SAMMSON: variants seen among roughly 807,000 people sequenced by gnomAD.
The protein encoded by SAMMSON is survival associated mitochondrial melanoma specific oncogenic non-coding RNA.
At chr3:70,339,683 G>A (rs1042986137) in intron 7 of SAMMSON, among the ~76,000 whole-genome samples, 5 of 152,146 alleles carry the variant, frequency 3.3e-5, no homozygotes, top group African/African-American at 1.2e-4. Context: ...TCAGAGAAAT[G>A]CAAATCAAAA....
At chr3:70,261,885 A>G (rs372696474) in intron 6 of SAMMSON, among the ~76,000 whole-genome samples, 2 of 152,106 alleles carry the variant, frequency 1.3e-5, no homozygotes, top group African/African-American at 4.8e-5. Context: ...ATCCAAGAAG[A>G]TCCGGGGCTG....
chr3:70,309,836 G>C (rs1217213255), intron 7 of SAMMSON, among the ~76,000 whole-genome samples: 2 of 152,060 alleles, frequency 1.3e-5, no homozygotes, highest in African/African-American at 4.8e-5. Context: ...GATAAAACAG[G>C]TCACCTGGGA....
At chr3:70,306,703 T>C (rs1256889708) in intron 7 of SAMMSON, among the ~76,000 whole-genome samples, 1 of 152,140 alleles carries the variant, frequency 6.6e-6, no homozygotes, top group African/African-American at 2.4e-5. Context: ...CTTTGGTGCA[T>C]TAAAGGTACA....
chr3:70,382,367 C>G (rs1338462833), intron 9 of SAMMSON, among the ~76,000 whole-genome samples: 1 of 152,066 alleles, frequency 6.6e-6, no homozygotes. Context: ...AGAAACTGAT[C>G]TCTTAAGCAC....
At chr3:70,257,544 G>C (rs1701828496) in intron 6 of SAMMSON, among the ~76,000 whole-genome samples, 1 of 152,090 alleles carries the variant, frequency 6.6e-6, no homozygotes, top group Admixed American at 6.6e-5. Flanking sequence ...ATCAATTAGA[G>C]GAAGATACGC....
chr3:70,053,380 T>G (rs939651983), intron 3 of SAMMSON, among the ~76,000 whole-genome samples: 1 of 152,140 alleles, frequency 6.6e-6, no homozygotes, highest in African/African-American at 2.4e-5. Flanking sequence ...TGCATATCAC[T>G]GTGATCATGA....
intron 4 of SAMMSON, among the ~76,000 whole-genome samples, chr3:70,098,273 A>C (rs1451632629): frequency 1.3e-5 from 2 of 152,188 alleles, no homozygotes; most frequent in Non-Finnish European, 2.9e-5. Flanking sequence ...GAATCCCTGC[A>C]AACTGAAAGC....
At chr3:70,088,775 G>T (rs1238415385) in intron 4 of SAMMSON, among the ~76,000 whole-genome samples, 1 of 152,108 alleles carries the variant, frequency 6.6e-6, no homozygotes, top group African/African-American at 2.4e-5. Flanking sequence ...TATTATAGTA[G>T]TTCCTTGCAT....
chr3:70,268,168 A>C (rs1304207936), intron 6 of SAMMSON, among the ~76,000 whole-genome samples: 1 of 149,546 alleles, frequency 6.7e-6, no homozygotes, highest in Non-Finnish European at 1.5e-5. Flanking sequence ...ATGCACAGCC[A>C]CCTTATTATC....
chr3:70,345,639 G>A (rs1333102882), intron 7 of SAMMSON, among the ~76,000 whole-genome samples: 1 of 152,074 alleles, frequency 6.6e-6, no homozygotes, highest in Non-Finnish European at 1.5e-5. Flanking sequence ...TTTAGTTATT[G>A]AACCCTCCCC....
intron 6 of SAMMSON, among the ~76,000 whole-genome samples, chr3:70,268,913 A>G (rs776822254): frequency 5.8e-4 from 88 of 152,282 alleles, no homozygotes; most frequent in Admixed American, 2.4e-3. Context: ...TATGGCCTCT[A>G]TTAATAACTG....
chr3:70,063,949 C>T (rs1259083970), intron 3 of SAMMSON, among the ~76,000 whole-genome samples: 1 of 152,044 alleles, frequency 6.6e-6, no homozygotes, highest in Non-Finnish European at 1.5e-5. Flanking sequence ...AAATCTTTTC[C>T]TACAAGGTCA....
intron 3 of SAMMSON, among the ~76,000 whole-genome samples, chr3:70,016,801 A>C (rs1489713420): frequency 6.6e-6 from 1 of 152,188 alleles, no homozygotes; most frequent in African/African-American, 2.4e-5. Context: ...AGCTTTCTAC[A>C]TATGGCTAGC....
In SAMMSON at chr3:70,028,189, T is replaced by TCC. The variant is rs2067050397; in HGVS notation, n.417+14517_417+14518insCC. Among the ~76,000 whole-genome samples the TCC allele has an allele frequency of 6.4e-3, 918 of 143,530 alleles. 10 individuals are homozygous for TCC. Among genetic ancestry groups the TCC allele is most frequent in the African/African-American group, 0.025 (889 of 35,288 alleles). The allele number at this position is 143,530 out of a possible 152,430, so 94.2% of individuals were successfully genotyped here. Reference sequence around the variant, plus strand: ...TTCCTTCCTTCCTTCCTTCCTTCCTTTCTTTCTTTCTTTCTCTCTTTCTTT... The same window carrying TCC: ...TTCCTTCCTTCCTTCCTTCCTTCCTTCCTCTTTCTTTCTTTCTCTCTTTCTTT... On this transcript the variant is annotated intron_variant and non_coding_transcript_variant, in intron 3 of 9. Coordinates refer to ENST00000642114, the Ensembl canonical transcript of SAMMSON.
At chr3:70,104,985 C>T (rs1041117617) in intron 4 of SAMMSON, among the ~76,000 whole-genome samples, 1 of 151,942 alleles carries the variant, frequency 6.6e-6, no homozygotes, top group African/African-American at 2.4e-5. Flanking sequence ...GGGGGGAAAG[C>T]AGTAAAAAAA....
chr3:70,023,376 G>A (rs1285426721), intron 3 of SAMMSON, among the ~76,000 whole-genome samples: 1 of 151,936 alleles, frequency 6.6e-6, no homozygotes, highest in Non-Finnish European at 1.5e-5. Flanking sequence ...CAGGAGAATG[G>A]CGTGAATCCA....
At chr3:70,125,444 C>T in intron 4 of SAMMSON, 1 of 922,828 alleles carries the variant, frequency 1.1e-6, no homozygotes, top group East Asian at 2.6e-5. Flanking sequence ...TTCCAATTCC[C>T]TTCTAGAAAT....
chr3:70,095,380 C>G (rs1040867357), intron 4 of SAMMSON, among the ~76,000 whole-genome samples: 1 of 152,146 alleles, frequency 6.6e-6, no homozygotes, highest in Non-Finnish European at 1.5e-5. Flanking sequence ...TGGAATTTCC[C>G]TTAAATAAAC....
chr3:70,148,947 G>A (rs2067560181), intron 4 of SAMMSON, among the ~76,000 whole-genome samples: 1 of 152,130 alleles, frequency 6.6e-6, no homozygotes, highest in South Asian at 2.1e-4. Context: ...CCAGGAGCCA[G>A]AGGGATGTGA....
Sources: allele counts gnomAD v4.1 joint callset (sites outside exome capture counted in the v4.1 genomes callset), GRCh38; gene constraint gnomAD v4.1.1; transcripts MANE v1.5; gene names NCBI Gene and HGNC (gene_info 2026-07-23, HGNC 2026-07-21).